Variants in TAFA1 observed in about 807,000 individuals in gnomAD.
TAFA1 encodes TAFA chemokine like family member 1.
A neutral mutation model predicts 18.5 loss-of-function variants in TAFA1; 4 were observed. That is an observed-to-expected ratio of 0.22 (90% confidence interval 0.11 to 0.49). The LOEUF (loss-of-function observed/expected upper bound fraction) is 0.49. Among genes scored for constraint, TAFA1 ranks in the 20% least tolerant of loss-of-function variants. The pLI is 0.98. For missense variants in TAFA1, 147 were observed against 169.0 expected (o/e 0.87, Z 0.72); for synonymous variants, 56 against 55.2 (o/e 1.01, Z -0.06).
intron 2 of TAFA1, among the ~76,000 whole-genome samples, chr3:68,140,150 G>A (rs1273448175): frequency 6.6e-6 from 1 of 152,198 alleles, no homozygotes; most frequent in African/African-American, 2.4e-5. Flanking sequence ...GTTTTAGCCT[G>A]TCATATCATC....
At chr3:68,082,153 TGCCTCA>T (rs2064911290) in intron 2 of TAFA1, among the ~76,000 whole-genome samples, 1 of 151,532 alleles carries the variant, frequency 6.6e-6, no homozygotes, top group African/African-American at 2.5e-5. Context: ...AGTGAGGCAG[TGCCTCA>T]CCCTGCTTCG....
intron 2 of TAFA1, among the ~76,000 whole-genome samples, chr3:68,292,657 G>A (rs2068130966): frequency 6.6e-6 from 1 of 152,036 alleles, no homozygotes; most frequent in Non-Finnish European, 1.5e-5. Context: ...CTTCCAAGTA[G>A]GTGGGACTTC....
chr3:68,099,585 T>G (rs1392109331), intron 2 of TAFA1, among the ~76,000 whole-genome samples: 1 of 152,146 alleles, frequency 6.6e-6, no homozygotes, highest in Non-Finnish European at 1.5e-5. Context: ...GAATGCTGTT[T>G]GGCAATTTCT....
intron 3 of TAFA1, among the ~76,000 whole-genome samples, chr3:68,526,439 A>G (rs956113414): frequency 6.6e-6 from 1 of 152,194 alleles, no homozygotes; most frequent in African/African-American, 2.4e-5. Context: ...AAAATTGTGA[A>G]CACTAGTTTT....
At chr3:68,418,142 T>C (rs2070877448) in intron 3 of TAFA1, among the ~76,000 whole-genome samples, 1 of 152,122 alleles carries the variant, frequency 6.6e-6, no homozygotes, top group African/African-American at 2.4e-5. Flanking sequence ...AATAAATATT[T>C]TCATGCGCAT....
chr3:68,137,831 A>G (rs1046147600), intron 2 of TAFA1, among the ~76,000 whole-genome samples: 1 of 152,198 alleles, frequency 6.6e-6, no homozygotes, highest in African/African-American at 2.4e-5. Context: ...TGTTGAGAGA[A>G]AAATAGCAAT....
At chr3:68,245,145 C>G (rs1250568744) in intron 2 of TAFA1, among the ~76,000 whole-genome samples, 2 of 152,124 alleles carry the variant, frequency 1.3e-5, no homozygotes, top group Non-Finnish European at 2.9e-5. Flanking sequence ...CGAAATTTGA[C>G]CAGGCATTTG....
intron 2 of TAFA1, among the ~76,000 whole-genome samples, chr3:68,094,461 A>G (rs922327246): frequency 2.0e-5 from 3 of 152,202 alleles, no homozygotes; most frequent in African/African-American, 7.2e-5. Context: ...TGTTAAATGA[A>G]GGAATAAAAG....
At chr3:68,169,889 A>AC (rs1187193464) in intron 2 of TAFA1, among the ~76,000 whole-genome samples, 2 of 152,224 alleles carry the variant, frequency 1.3e-5, no homozygotes, top group African/African-American at 4.8e-5. Flanking sequence ...AAAGTTTGTT[A>AC]CTTACAGAAG....
chr3:68,072,139 C>A (rs2064762711), intron 2 of TAFA1, among the ~76,000 whole-genome samples: 1 of 152,130 alleles, frequency 6.6e-6, no homozygotes, highest in African/African-American at 2.4e-5. Context: ...TATTTTCTCT[C>A]TTTATATTTT....
chr3:68,333,652 T>C (rs1309999670), intron 2 of TAFA1, among the ~76,000 whole-genome samples: 1 of 152,142 alleles, frequency 6.6e-6, no homozygotes, highest in Non-Finnish European at 1.5e-5. Flanking sequence ...AACTAACATG[T>C]AATCTAACAA....
intron 2 of TAFA1, among the ~76,000 whole-genome samples, chr3:68,373,734 A>G (rs1454607552): frequency 1.3e-5 from 2 of 152,224 alleles, no homozygotes; most frequent in Admixed American, 6.5e-5. Flanking sequence ...ACGAGTCACC[A>G]TCTGGAAGAC....
chr3:68,412,590 T>G (rs961396555), intron 2 of TAFA1, among the ~76,000 whole-genome samples: 4 of 152,112 alleles, frequency 2.6e-5, no homozygotes, highest in Non-Finnish European at 4.4e-5. Context: ...AGTGTTCTCA[T>G]TGTTCAATTC....
chr3:68,035,219 C>T (rs909884287), intron 2 of TAFA1, among the ~76,000 whole-genome samples: 2 of 152,174 alleles, frequency 1.3e-5, no homozygotes, highest in African/African-American at 4.8e-5. Flanking sequence ...CCAGGCCAGC[C>T]TGTGGTCCTA....
chr3:68,430,793 A>C (rs1374576580), intron 3 of TAFA1, among the ~76,000 whole-genome samples: 1 of 151,972 alleles, frequency 6.6e-6, no homozygotes, highest in Non-Finnish European at 1.5e-5. Context: ...ACACTGCTAC[A>C]AAGAGTCTTC....
chr3:68,007,644 A>G (rs1322623938), intron 2 of TAFA1, among the ~76,000 whole-genome samples: 3 of 150,292 alleles, frequency 2.0e-5, no homozygotes, highest in African/African-American at 4.9e-5. Context: ...GCGACGGTCA[A>G]GTTCGGGCTC....
intron 2 of TAFA1, among the ~76,000 whole-genome samples, chr3:68,256,938 T>C (rs1385261564): frequency 6.6e-6 from 1 of 152,122 alleles, no homozygotes; most frequent in Non-Finnish European, 1.5e-5. Flanking sequence ...TCATTTCTTA[T>C]GATTCTCTAC....
chr3:68,434,482 T>TTGAAGAGC (rs756187240), intron 3 of TAFA1, among the ~76,000 whole-genome samples: 11 of 152,126 alleles, frequency 7.2e-5, no homozygotes, highest in Non-Finnish European at 1.3e-4. Flanking sequence ...TTACAGTACA[T>TTGAAGAGC]TGAAGAGCTT....
chr3:68,111,686 A>T (rs1364580827), intron 2 of TAFA1, among the ~76,000 whole-genome samples: 1 of 152,106 alleles, frequency 6.6e-6, no homozygotes, highest in East Asian at 1.9e-4. Context: ...ATATGTTTTA[A>T]TCTTTAGGAT....
Sources: allele counts gnomAD v4.1 joint callset (sites outside exome capture counted in the v4.1 genomes callset), GRCh38; gene constraint gnomAD v4.1.1; transcripts MANE v1.5; gene names NCBI Gene and HGNC (gene_info 2026-07-23, HGNC 2026-07-21).